Variants in PBXIP1 observed in about 807,000 individuals in gnomAD.
PBXIP1 encodes the protein PBX homeobox interacting protein 1, also known as pre-B-cell leukemia transcription factor-interacting protein 1.
PBXIP1 carries 73 observed loss-of-function variants against 73.7 expected under a neutral mutation model. The observed-to-expected ratio is 0.99, with a 90% CI of 0.82 to 1.20. The LOEUF is 1.20. Ranked by LOEUF, PBXIP1 falls within the 50% of genes most tolerant of loss-of-function variation. The pLI is 0.00. For synonymous variants in PBXIP1, 330 were observed against 366.9 expected (o/e 0.90, Z 1.15); for missense variants, 818 against 911.4 (o/e 0.90, Z 1.32).
At position 154,951,528 on chromosome 1, in the gene PBXIP1, G is replaced by A; in HGVS notation, c.186C>T (p.Leu62=). ...LAGTMDGEGT[L]FQTESPQSGS... ...CAGACTGAGGGCTTTCAGTCTGGAA[G>A]AGCGTCCCTGCGGTAGGAGAAAAGG... Residue 62 remains leucine, a synonymous_variant, in exon 4 of 11, where the codon CTC becomes CTT. Transcript: ENST00000368463. The surrounding 1 kb of genome is among the most constrained non-coding windows in gnomAD (Gnocchi z 4.3). 6.2e-7 allele frequency: 1 copy of A among 1,613,918 alleles called. No individual in the cohort carries two copies. Among genetic ancestry groups the A allele is most frequent in the East Asian group, 2.2e-5 (1 of 44,882 alleles).
Position 154,951,764 on chromosome 1 carries a change from G to A in PBXIP1, c.178+31C>T, listed in dbSNP as rs187326445. On this transcript the variant is annotated intron_variant, in intron 3 of 10. Coordinates refer to ENST00000368463, the MANE Select transcript of PBXIP1 (RefSeq NM_020524.4). The surrounding 1 kb of genome is among the most constrained non-coding windows in gnomAD (Gnocchi z 4.3). ...CAAAATATGGAGAATAGCTTTGTCC[G>A]GTAAGCTATGTCCTAAGCAGGGCCC... is the stretch of plus-strand genomic sequence containing the variant. 6.2e-5 allele frequency: 99 copies of A among 1,604,744 alleles called. No homozygotes were observed. In the East Asian group the frequency reaches 6.7e-4, roughly 11 times the overall value.
intron 2 of PBXIP1, among the ~76,000 whole-genome samples, chr1:154,952,521 G>A (rs1655042621): frequency 6.6e-6 from 1 of 152,120 alleles, no homozygotes; most frequent in South Asian, 2.1e-4. Context: ...CACAGCCTCG[G>A]CCTCCTCCCT....
At chr1:154,955,460 C>T (rs1382125238) in intron 1 of PBXIP1, among the ~76,000 whole-genome samples, 1 of 152,168 alleles carries the variant, frequency 6.6e-6, no homozygotes, top group Non-Finnish European at 1.5e-5. Context: ...ACTTATGAGA[C>T]CCAAATAGGA....
rs1435700371 is a variant in PBXIP1 at position 154,951,967 on chromosome 1, C to A, written c.52-46G>T. ...AGAAGGGCTGCACCCAAGAATGGGG[C>A]CCCAGCCCACATCCCAGAAACACAC... On this transcript the variant is annotated intron_variant, in intron 2 of 10. Transcript: ENST00000368463. This position sits in a 1 kb window ranked among gnomAD's most constrained non-coding sequence, Gnocchi z 4.3. 6.4e-7 allele frequency: 1 copy of A among 1,569,994 alleles called. No homozygotes were observed. Among genetic ancestry groups the A allele is most frequent in the South Asian group, 1.2e-5 (1 of 85,470 alleles).
At position 154,951,708 on chromosome 1, in the gene PBXIP1, C is replaced by T; in HGVS notation, c.178+87G>A. 6.6e-7 allele frequency: 1 copy of T among 1,506,608 alleles called. No homozygotes were observed. The allele number at this position is 1,506,608 out of a possible 1,614,324, so 93.3% of individuals were successfully genotyped here. Reference sequence around the variant, plus strand: ...TAATGGAGGAACTAAAACGAACCAGCCTCCCTTTCTCTGAGGAAACTGAGA... The same window carrying T: ...TAATGGAGGAACTAAAACGAACCAGTCTCCCTTTCTCTGAGGAAACTGAGA... On this transcript the variant is annotated intron_variant, in intron 3 of 10. Coordinates refer to ENST00000368463, the MANE Select transcript of PBXIP1 (RefSeq NM_020524.4). This position sits in a 1 kb window ranked among gnomAD's most constrained non-coding sequence, Gnocchi z 4.3.
In PBXIP1 at chr1:154,951,919, G is replaced by T. The variant is rs745931134; in HGVS notation, c.54C>A (p.Ser18Arg). 12 of 1,604,028 alleles carry T rather than the reference G, an allele frequency of 7.5e-6. No individual in the cohort carries two copies. Among genetic ancestry groups the T allele is most frequent in the Non-Finnish European group, 1.0e-5 (12 of 1,177,546 alleles). The change falls in exon 3 of 11, where the codon AGC (serine) becomes AGA (arginine). Residue 18 changes from serine (S) to arginine (R), a missense_variant and splice_region_variant. Physicochemically the swap from Ser to Arg is moderately radical, Grantham distance 110. Transcript: ENST00000368463. The surrounding 1 kb of genome is among the most constrained non-coding windows in gnomAD (Gnocchi z 4.3). ...DNSWVLAGSE[S>R]LPVETLGPAS... The stretch of plus-strand genomic sequence containing the variant: ...CCGGGCCCAGTGTCTCCACTGGCAG[G>T]CTCTGGGAGGAGAAGTGCAAGGAGA...
rs559587593 is a variant in PBXIP1 at position 154,947,624 on chromosome 1, G to A, written c.738+18C>T. The A allele has an allele frequency of 3.5e-4, 557 of 1,613,398 alleles. 10 individuals carry two copies. In the South Asian group the frequency reaches 5.9e-3, roughly 17 times the overall value. ...CCCCAGCCAGGCCCCACCTGCCTCTGGAGACATTCACACATACCTGCCTGT... is the reference window on the plus strand; with the variant it reads ...CCCCAGCCAGGCCCCACCTGCCTCTAGAGACATTCACACATACCTGCCTGT... On this transcript the variant is annotated intron_variant, in intron 8 of 10. Transcript: ENST00000368463.
Position 154,951,273 on chromosome 1 carries a change from C to A in PBXIP1, c.368G>T (p.Gly123Val). 1.2e-6 allele frequency: 2 copies of A among 1,614,140 alleles called. No homozygotes were observed. The highest frequency in any genetic ancestry group is 2.2e-5 in the South Asian group (2 of 91,086). ...AGGCAGGCTCTGTGGAGGGCTCTGG[C>A]CTTCCAGGTCCTGTGTGTCTGGTCC... Reference protein sequence around the residue: ...GLGPDTQDLEGQSPPQSLPST... With the variant: ...GLGPDTQDLEVQSPPQSLPST... The change falls in exon 5 of 11, where the codon GGC becomes GTC. Residue 123 changes from glycine (G) to valine (V), a missense_variant. Coordinates refer to ENST00000368463, the MANE Select transcript of PBXIP1 (RefSeq NM_020524.4). The surrounding 1 kb of genome is among the most constrained non-coding windows in gnomAD (Gnocchi z 4.3).
chr1:154,951,392 G>A lies in PBXIP1; in HGVS notation c.249C>T (p.Thr83=). ...CCACACCACAAACATCACCTTCCAG[G>A]GTGCCCTAATGCAGATGCAGCAGTG... ...ILTEETEVKG[T]LEGDVCGVEP... The change falls in exon 5 of 11, where the codon ACC becomes ACT. Residue 83 remains threonine (T), a synonymous_variant. Coordinates refer to ENST00000368463, the MANE Select transcript of PBXIP1 (RefSeq NM_020524.4). This position sits in a 1 kb window ranked among gnomAD's most constrained non-coding sequence, Gnocchi z 4.3. 1 of 1,614,092 alleles carries A rather than the reference G, an allele frequency of 6.2e-7. No individual in the cohort carries two copies. Among genetic ancestry groups the A allele is most frequent in the Non-Finnish European group, 8.5e-7 (1 of 1,180,008 alleles).
intron 5 of PBXIP1, among the ~76,000 whole-genome samples, chr1:154,949,062 C>T (rs1654926198): frequency 6.6e-6 from 1 of 152,198 alleles, no homozygotes; most frequent in African/African-American, 2.4e-5. Context: ...CACAGTTCTA[C>T]ACTTAAACAT....
chr1:154,946,370 C>G lies in PBXIP1; in HGVS notation c.1304G>C (p.Arg435Thr). Residue 435 changes from arginine to threonine, a missense_variant, in exon 10 of 11, where the codon AGA (arginine) becomes ACA (threonine). Arg to Thr is a moderately conservative substitution (Grantham distance 71, BLOSUM62 -1). Coordinates refer to ENST00000368463, the MANE Select transcript of PBXIP1 (RefSeq NM_020524.4). ...CAGGCCCTGCAGTTTCTGGGCCAAT[C>G]TGTGGCCCAGCTCAGCCAAGCCAGC... ...AHAGLAELGH[R>T]LAQKLQGLEN... 2 of 1,613,396 alleles carry G rather than the reference C, an allele frequency of 1.2e-6. No homozygotes were observed. Among genetic ancestry groups the G allele is most frequent in the Non-Finnish European group, 1.7e-6 (2 of 1,179,856 alleles).
chr1:154,954,382 G>C (rs1655108666), intron 1 of PBXIP1, among the ~76,000 whole-genome samples: 2 of 152,106 alleles, frequency 1.3e-5, no homozygotes, highest in Non-Finnish European at 2.9e-5. Context: ...GCCCGGCTGT[G>C]GGTCTTTTAA....
Position 154,951,438 on chromosome 1 carries a change from G to C in PBXIP1, c.243+33C>G, listed in dbSNP as rs116502630. On this transcript the variant is annotated intron_variant, in intron 4 of 10. Coordinates refer to ENST00000368463, the MANE Select transcript of PBXIP1 (RefSeq NM_020524.4). The surrounding 1 kb of genome is among the most constrained non-coding windows in gnomAD (Gnocchi z 4.3). ...CAGTGAGCAGCTGCTAGCCCTCCCC[G>C]CCTCCCTTCCTTCCCACAGCAAATC... The C allele has an allele frequency of 6.2e-7, 1 of 1,613,824 alleles. No individual in the cohort carries two copies. The highest frequency in any genetic ancestry group is 8.5e-7 in the Non-Finnish European group (1 of 1,179,782).
At position 154,951,316 on chromosome 1, in the gene PBXIP1, TG is replaced by T; in HGVS notation, c.324del (p.Thr109ProfsTer3). On this transcript the variant is annotated frameshift_variant, in exon 5 of 11. Coordinates refer to ENST00000368463, the MANE Select transcript of PBXIP1 (RefSeq NM_020524.4). LOFTEE classifies it high-confidence loss of function. The surrounding 1 kb of genome is among the most constrained non-coding windows in gnomAD (Gnocchi z 4.3). Reference protein sequence around the residue: ...DTVVQGDLQETTVVTGLGPDT... With the variant: ...DTVVQGDLQEXTVVTGLGPDT... ...TCTGGTCCCAGGCCTGTCACCACGG[TG>T]GTCTCCTGCAGGTCTCCCTGGACTA... 6.2e-7 allele frequency: 1 copy of T among 1,614,062 alleles called. No homozygotes were observed. The highest frequency in any genetic ancestry group is 1.1e-5 in the South Asian group (1 of 91,078).
chr1:154,947,946 A>C (rs1335431935), intron 7 of PBXIP1, 36 bp downstream of exon 7: 7 of 1,608,606 alleles, frequency 4.4e-6, no homozygotes, highest in African/African-American at 2.7e-5. Flanking sequence ...GAACACATAC[A>C]ACTCCCCAGC....
rs758982587 is a variant in PBXIP1 at position 154,951,956 on chromosome 1, C to G, written c.52-35G>C. Reference sequence around the variant, plus strand: ...GAAGTGCAAGGAGAAGGGCTGCACCCAAGAATGGGGCCCCAGCCCACATCC... The same window carrying G: ...GAAGTGCAAGGAGAAGGGCTGCACCGAAGAATGGGGCCCCAGCCCACATCC... On this transcript the variant is annotated intron_variant, in intron 2 of 10. Transcript: ENST00000368463. This position sits in a 1 kb window ranked among gnomAD's most constrained non-coding sequence, Gnocchi z 4.3. The G allele has an allele frequency of 8.9e-6, 14 of 1,578,896 alleles. No homozygotes were observed. The highest frequency in any genetic ancestry group is 1.2e-5 in the Non-Finnish European group (14 of 1,168,542).
rs772489098 is a variant in PBXIP1, at chr1:154,945,634, TTCA to T, written c.2037_2039del (p.Asp679del). On this transcript the variant is annotated inframe_deletion, in exon 10 of 11. Coordinates refer to ENST00000368463, the MANE Select transcript of PBXIP1 (RefSeq NM_020524.4). ...AGATGAAGTCCTCAAAGTCATCTAC[TTCA>T]TCATCATCACCTGTCTGTTGCACAG... is the stretch of plus-strand genomic sequence containing the variant. The T allele has an allele frequency of 6.8e-6, 11 of 1,613,994 alleles. No homozygotes were observed. In the Admixed American group the frequency reaches 1.0e-4, roughly 15 times the overall value.
In PBXIP1 at chr1:154,951,132, C is replaced by G; in HGVS notation, c.409+100G>C. On this transcript the variant is annotated intron_variant, in intron 5 of 10. Transcript: ENST00000368463. This position sits in a 1 kb window ranked among gnomAD's most constrained non-coding sequence, Gnocchi z 4.3. The stretch of plus-strand genomic sequence containing the variant: ...AAAGGAGAGCACCAAGCTGCTCAGC[C>G]CTAGGGCCTGGACCACAGCATGTGC... The G allele has an allele frequency of 8.9e-7, 1 of 1,128,224 alleles. No individual in the cohort carries two copies. Among genetic ancestry groups the G allele is most frequent in the African/African-American group, 1.5e-5 (1 of 65,542 alleles). 69.9% of individuals were successfully genotyped at this position (1,128,224 alleles called of 1,614,324 possible).
chr1:154,945,174 C>A, intron 10 of PBXIP1, 57 bp from the exon 11 acceptor site: 1 of 1,338,364 alleles, frequency 7.5e-7, no homozygotes, highest in Admixed American at 1.8e-5. Flanking sequence ...ACGGGTTCCC[C>A]AAGGAGAGAG....
Sources: gnomAD v4.1 joint callset for allele counts (sites outside exome capture counted in the v4.1 genomes callset) on GRCh38, gnomAD v4.1.1 for gene constraint, Gnocchi (gnomAD v3.1) non-coding constraint, MANE v1.5 for transcripts, NCBI Gene and HGNC (gene_info 2026-07-23, HGNC 2026-07-21) for gene names.